Variants in ME1 observed in about 807,000 individuals in gnomAD.
ME1 encodes malic enzyme 1, also known as NADP-dependent malic enzyme.
In ME1, 74 loss-of-function variants were observed where a neutral mutation model predicts 66.4. The observed-to-expected ratio is 1.11, with a 90% CI of 0.92 to 1.35. ME1 has a LOEUF of 1.35. Among genes scored for constraint, ME1 ranks in the 40% most tolerant of loss-of-function variants. The pLI is 0.00. For missense variants in ME1, 750 were observed against 694.1 expected, an observed-to-expected ratio of 1.08 and a Z score of -0.90; for synonymous variants, 251 against 235.6, an observed-to-expected ratio of 1.07 and a Z score of -0.60.
At chr6:83,389,099 A>G (rs747550384) in intron 3 of ME1, among the ~76,000 whole-genome samples, 1 of 152,168 alleles carries the variant, frequency 6.6e-6, no homozygotes, top group Non-Finnish European at 1.5e-5. Context: ...AGCCTGGGTG[A>G]CAGAGTGAGA....
intron 3 of ME1, among the ~76,000 whole-genome samples, chr6:83,370,983 T>C (rs1456460668): frequency 6.6e-6 from 1 of 152,088 alleles, no homozygotes; most frequent in East Asian, 1.9e-4. Context: ...CCTCTAAACA[T>C]ATAACACTTT....
In ME1 at chr6:83,284,454, A is replaced by T. The variant is rs554053787; in HGVS notation, c.705-30716T>A. Among the ~76,000 whole-genome samples, 8 of 152,274 alleles carry T rather than the reference A, an allele frequency of 5.3e-5. No homozygotes were observed. In the East Asian group the frequency reaches 1.5e-3, roughly 29 times the overall value. The stretch of plus-strand genomic sequence containing the variant: ...AGACACAACAAAAAAAGAGAAAACT[A>T]CAGGCCAATGCCACTGATAAGCACA... On this transcript the variant is annotated intron_variant, in intron 6 of 13. Coordinates refer to ENST00000369705, the MANE Select transcript of ME1 (RefSeq NM_002395.6).
At chr6:83,230,262 C>G (rs531685471) in intron 9 of ME1, among the ~76,000 whole-genome samples, 1 of 151,862 alleles carries the variant, frequency 6.6e-6, no homozygotes, top group South Asian at 2.1e-4. Context: ...CCGCAACCTC[C>G]GCCTCCCGGG....
intron 5 of ME1, among the ~76,000 whole-genome samples, chr6:83,319,025 T>C (rs1359173326): frequency 3.4e-5 from 5 of 148,878 alleles, no homozygotes; most frequent in South Asian, 2.2e-4. Flanking sequence ...AAATTGGAAA[T>C]CATCATTCTC....
intron 6 of ME1, among the ~76,000 whole-genome samples, chr6:83,307,785 C>T (rs770553089): frequency 5.0e-5 from 7 of 138,938 alleles, no homozygotes; most frequent in African/African-American, 2.1e-4. Flanking sequence ...TAGAGTTGGA[C>T]GAAACTCTAT....
At chr6:83,263,100 T>C (rs1332089295) in intron 6 of ME1, among the ~76,000 whole-genome samples, 1 of 152,192 alleles carries the variant, frequency 6.6e-6, no homozygotes, top group African/African-American at 2.4e-5. Flanking sequence ...TTTTGCATTA[T>C]TATTATATGT....
chr6:83,360,340 T>C (rs1215542996), intron 3 of ME1, among the ~76,000 whole-genome samples: 2 of 152,186 alleles, frequency 1.3e-5, no homozygotes, highest in Non-Finnish European at 2.9e-5. Flanking sequence ...TACTGGACAA[T>C]GGCTCTGAGC....
chr6:83,261,678 G>A (rs546237320), intron 6 of ME1, among the ~76,000 whole-genome samples: 25 of 152,080 alleles, frequency 1.6e-4, no homozygotes, highest in African/African-American at 5.8e-4. Context: ...AAGAAGTGTT[G>A]GGAGTCTGGT....
At chr6:83,262,140 A>G (rs999210834) in intron 6 of ME1, among the ~76,000 whole-genome samples, 2 of 152,152 alleles carry the variant, frequency 1.3e-5, no homozygotes, top group African/African-American at 4.8e-5. Flanking sequence ...GTGAAGCAAG[A>G]CTTTCTAATT....
chr6:83,424,843 T>C (rs1398914637), intron 1 of ME1, among the ~76,000 whole-genome samples: 1 of 152,202 alleles, frequency 6.6e-6, no homozygotes, highest in Admixed American at 6.5e-5. Flanking sequence ...TTTTATTCTA[T>C]GGCTTCTCTC....
intron 7 of ME1, among the ~76,000 whole-genome samples, chr6:83,250,516 T>A (rs1244030026): frequency 6.6e-6 from 1 of 152,226 alleles, no homozygotes; most frequent in Non-Finnish European, 1.5e-5. Context: ...TTTATCCATC[T>A]CAGTTACTGC....
intron 5 of ME1, among the ~76,000 whole-genome samples, chr6:83,320,794 CA>C (rs2128540267): frequency 6.6e-6 from 1 of 152,148 alleles, no homozygotes; most frequent in East Asian, 1.9e-4. Context: ...TAGTCGATTA[CA>C]AAGATTTATG....
intron 6 of ME1, among the ~76,000 whole-genome samples, chr6:83,260,727 C>A (rs1356640678): frequency 1.3e-5 from 2 of 152,162 alleles, no homozygotes; most frequent in African/African-American, 4.8e-5. Flanking sequence ...CATTAGTTTG[C>A]TAGGGATAAT....
At chr6:83,238,623 A>G (rs945598673) in intron 8 of ME1, among the ~76,000 whole-genome samples, 8 of 152,068 alleles carry the variant, frequency 5.3e-5, no homozygotes, top group Non-Finnish European at 1.2e-4. Flanking sequence ...TGTGATTTAC[A>G]TTCTGAATAC....
chr6:83,301,336 C>CTT lies in ME1; in HGVS notation c.704+13973_704+13974insAA, dbSNP rs1554266604. Among the ~76,000 whole-genome samples, 102 of 123,572 alleles carry CTT rather than the reference C, an allele frequency of 8.3e-4. 1 individual carries two copies. Among genetic ancestry groups the CTT allele is most frequent in the African/African-American group, 4.0e-3 (96 of 23,778 alleles). The allele number at this position is 123,572 out of a possible 152,430, so 81.1% of individuals were successfully genotyped here. On this transcript the variant is annotated intron_variant, in intron 6 of 13. Transcript: ENST00000369705. ...TCTTTCTCTCTCTCTCTCTCTCTCT[C>CTT]TCTTTCTTTCTTTCTTTCTTTCTTG...
chr6:83,389,371 C>T (rs1769575069), intron 3 of ME1, among the ~76,000 whole-genome samples: 1 of 152,026 alleles, frequency 6.6e-6, no homozygotes, highest in African/African-American at 2.4e-5. Context: ...GGCATTAAAT[C>T]TAAATAGCAT....
Position 83,228,950 on chromosome 6 carries a change from A to G in ME1, c.1027-19T>C. 6.4e-7 allele frequency: 1 copy of G among 1,550,708 alleles called. No individual in the cohort carries two copies. Among genetic ancestry groups the G allele is most frequent in the East Asian group, 2.2e-5 (1 of 44,574 alleles). ...CACGTCCCTAAGTAAAGCCAGTAAG[A>G]AAAAATTAAGAATCTGCCAAACATG... is the stretch of plus-strand genomic sequence containing the variant. On this transcript the variant is annotated intron_variant, in intron 9 of 13. Transcript: ENST00000369705.
At chr6:83,261,224 T>G (rs1326200603) in intron 6 of ME1, among the ~76,000 whole-genome samples, 1 of 152,186 alleles carries the variant, frequency 6.6e-6, no homozygotes, top group Non-Finnish European at 1.5e-5. Flanking sequence ...ATATTGAGCT[T>G]TTTTTCATAT....
At chr6:83,327,679 G>A (rs1395754771) in intron 5 of ME1, among the ~76,000 whole-genome samples, 1 of 152,104 alleles carries the variant, frequency 6.6e-6, no homozygotes, top group African/African-American at 2.4e-5. Context: ...CGGTCCTGTG[G>A]TCCTGTGATC....
Sources: gnomAD v4.1 joint callset for allele counts (sites outside exome capture counted in the v4.1 genomes callset) on GRCh38, gnomAD v4.1.1 for gene constraint, MANE v1.5 for transcripts, NCBI Gene and HGNC (gene_info 2026-07-23, HGNC 2026-07-21) for gene names.